PRKACB: variants seen among roughly 807,000 people sequenced by gnomAD.
PRKACB encodes cAMP-dependent protein kinase catalytic subunit beta.
A neutral mutation model predicts 51.4 loss-of-function variants in PRKACB; 16 were observed. The observed-to-expected ratio is 0.31, with a 90% confidence interval of 0.21 to 0.47. The LOEUF (loss-of-function observed/expected upper bound fraction) is 0.47. PRKACB is among the 20% of genes least tolerant of loss of function. The pLI, the probability that PRKACB is intolerant of heterozygous loss-of-function variation, is 1.00. For synonymous variants in PRKACB, 147 were observed against 154.4 expected, an observed-to-expected ratio of 0.95 and a Z score of 0.35; for missense variants, 309 against 464.5, an observed-to-expected ratio of 0.67 and a Z score of 3.08.
intron 1 of PRKACB, among the ~76,000 whole-genome samples, chr1:84,121,106 A>T (rs1651026914): frequency 6.6e-6 from 1 of 152,068 alleles, no homozygotes; most frequent in African/African-American, 2.4e-5. Flanking sequence ...CATCTTTTCT[A>T]ACATGTTCAT....
intron 1 of PRKACB, among the ~76,000 whole-genome samples, chr1:84,088,147 C>T (rs945304580): frequency 2.6e-5 from 4 of 152,122 alleles, no homozygotes; most frequent in Non-Finnish European, 4.4e-5. Flanking sequence ...GTTCTGCCTT[C>T]GAAAATCCAA....
At chr1:84,188,790 T>A (rs1572224961) in intron 5 of PRKACB, among the ~76,000 whole-genome samples, 1 of 152,062 alleles carries the variant, frequency 6.6e-6, no homozygotes, top group Middle Eastern at 3.4e-3. Flanking sequence ...CCAAAGCTAA[T>A]TCTAGATTAA....
intron 1 of PRKACB, among the ~76,000 whole-genome samples, chr1:84,157,640 T>G (rs1655666959): frequency 6.6e-6 from 1 of 152,180 alleles, no homozygotes; most frequent in South Asian, 2.1e-4. Context: ...TTATATAAAT[T>G]GAATTATATA....
chr1:84,095,472 T>G (rs1204435959), intron 1 of PRKACB, among the ~76,000 whole-genome samples: 1 of 152,036 alleles, frequency 6.6e-6, no homozygotes, highest in East Asian at 1.9e-4. Context: ...TTCATCATGT[T>G]TTGTTTTCCA....
chr1:84,157,779 C>T (rs1339270559), intron 1 of PRKACB, among the ~76,000 whole-genome samples: 1 of 152,042 alleles, frequency 6.6e-6, no homozygotes, highest in Non-Finnish European at 1.5e-5. Flanking sequence ...GGATATAATA[C>T]ATTTTGTTTA....
intron 1 of PRKACB, among the ~76,000 whole-genome samples, chr1:84,160,619 T>A (rs1409472046): frequency 6.7e-6 from 1 of 149,134 alleles, no homozygotes; most frequent in African/African-American, 2.4e-5. Flanking sequence ...TTGGAACTTT[T>A]CTATTTTACT....
chr1:84,219,307 C>T (rs75312245), intron 9 of PRKACB, among the ~76,000 whole-genome samples: 1 of 151,846 alleles, frequency 6.6e-6, no homozygotes, highest in Admixed American at 6.6e-5. Flanking sequence ...TCGCTGCACC[C>T]TCCACCTCCC....
chr1:84,190,499 A>C (rs1666444817), intron 5 of PRKACB, among the ~76,000 whole-genome samples: 1 of 151,970 alleles, frequency 6.6e-6, no homozygotes, highest in Non-Finnish European at 1.5e-5. Context: ...TAAGAACTTA[A>C]AGTTAGATAC....
In PRKACB at chr1:84,155,395, A is replaced by G. The variant is rs530352718; in HGVS notation, c.187+10847A>G. 3.3e-5 allele frequency among the ~76,000 whole-genome samples: 5 copies of G among 152,314 alleles called. No homozygotes were observed. The East Asian group carries it at 9.6e-4, about 29-fold the overall frequency. Reference sequence around the variant, plus strand: ...AAAACACAGTGAATGGAGATATCTAATGTTTATGGATCTGAAGAATAAATG... The same window carrying G: ...AAAACACAGTGAATGGAGATATCTAGTGTTTATGGATCTGAAGAATAAATG... On this transcript the variant is annotated intron_variant, in intron 1 of 9. Coordinates refer to ENST00000370685, the MANE Select transcript of PRKACB (RefSeq NM_182948.4).
At chr1:84,126,480 C>T (rs868492760) in intron 1 of PRKACB, among the ~76,000 whole-genome samples, 37 of 152,150 alleles carry the variant, frequency 2.4e-4, no homozygotes, top group African/African-American at 8.4e-4. Context: ...TGTCCTTCTG[C>T]TGCCTCTCTT....
At chr1:84,196,546 A>G in intron 5 of PRKACB, 70 bp from the exon 6 acceptor site, 1 of 1,468,234 alleles carries the variant, frequency 6.8e-7, no homozygotes, top group Non-Finnish European at 9.2e-7. Flanking sequence ...ATTAGTTTTT[A>G]TGCATAATCT....
intron 5 of PRKACB, among the ~76,000 whole-genome samples, chr1:84,192,791 A>G (rs764856783): frequency 2.6e-5 from 4 of 152,158 alleles, no homozygotes; most frequent in Non-Finnish European, 5.9e-5. Flanking sequence ...AATGATTCCT[A>G]TAACGTTTGA....
At chr1:84,094,757 A>T (rs2100785463) in intron 1 of PRKACB, among the ~76,000 whole-genome samples, 1 of 152,000 alleles carries the variant, frequency 6.6e-6, no homozygotes, top group East Asian at 1.9e-4. Flanking sequence ...ATTCACACTG[A>T]ATTCAAGGTA....
intron 1 of PRKACB, among the ~76,000 whole-genome samples, chr1:84,081,675 C>CA (rs1442323165): frequency 2.0e-5 from 3 of 151,894 alleles, no homozygotes; most frequent in Non-Finnish European, 2.9e-5. Context: ...ACCAACACAC[C>CA]AAAAAAACAC....
chr1:84,081,089 A>G (rs1368067548), intron 1 of PRKACB, among the ~76,000 whole-genome samples: 1 of 152,222 alleles, frequency 6.6e-6, no homozygotes, highest in African/African-American at 2.4e-5. Flanking sequence ...TTTGATTTGA[A>G]AAGTTGATTA....
intron 1 of PRKACB, among the ~76,000 whole-genome samples, chr1:84,163,643 A>C (rs984337199): frequency 3.9e-5 from 6 of 152,006 alleles, no homozygotes; most frequent in African/African-American, 1.4e-4. Flanking sequence ...GTTTTTAGGC[A>C]GAGTTCAGTG....
chr1:84,210,420 G>A lies in PRKACB; in HGVS notation c.907-3733G>A, dbSNP rs542731931. Among the ~76,000 whole-genome samples the A allele has an allele frequency of 3.9e-5, 6 of 152,194 alleles. No homozygotes were observed. The East Asian group carries it at 1.2e-3, about 29-fold the overall frequency. ...TTTAGACTTTCTCTTTTCAATATCT[G>A]ACTCTTTACATTTACTTTCACATTA... On this transcript the variant is annotated intron_variant, in intron 8 of 9. Transcript: ENST00000370685.
chr1:84,170,524 T>C (rs757365828), intron 1 of PRKACB, among the ~76,000 whole-genome samples: 1 of 151,378 alleles, frequency 6.6e-6, no homozygotes, highest in Admixed American at 6.6e-5. Flanking sequence ...ATCAGAAGAG[T>C]TGTAGGCTTG....
intron 1 of PRKACB, among the ~76,000 whole-genome samples, chr1:84,144,893 G>A (rs1469960115): frequency 6.6e-6 from 1 of 151,946 alleles, no homozygotes; most frequent in Non-Finnish European, 1.5e-5. Context: ...TTCTTAAAAT[G>A]TCTTGTATTT....
Sources: gnomAD v4.1 joint callset for allele counts (sites outside exome capture counted in the v4.1 genomes callset) on GRCh38, gnomAD v4.1.1 for gene constraint, MANE v1.5 for transcripts, NCBI Gene and HGNC (gene_info 2026-07-23, HGNC 2026-07-21) for gene names.